The following ADAM23 variants were observed in gnomAD, a reference collection of about 807,000 sequenced individuals.
The protein encoded by ADAM23 is ADAM metallopeptidase domain 23.
In ADAM23, 33 loss-of-function variants were observed where a neutral mutation model predicts 120.1. The ratio of observed to expected loss-of-function variants is 0.27; its 90% CI spans 0.21 to 0.37. The LOEUF (loss-of-function observed/expected upper bound fraction) is 0.37. Among genes scored for constraint, ADAM23 ranks in the 10% least tolerant of loss-of-function variants. The pLI is 1.00. For missense variants in ADAM23, 862 were observed against 1,058.2 expected, an observed-to-expected ratio of 0.81 and a Z score of 2.57; for synonymous variants, 367 against 375.2, an observed-to-expected ratio of 0.98 and a Z score of 0.25.
intron 5 of ADAM23, 79 bp downstream of exon 5, chr2:206,542,213 T>C: frequency 7.1e-7 from 1 of 1,401,544 alleles, no homozygotes; most frequent in Non-Finnish European, 1.0e-6. Flanking sequence ...TTTTAGTGAC[T>C]CTTCCGTGCC....
chr2:206,509,573 C>T (rs540975826), intron 3 of ADAM23, among the ~76,000 whole-genome samples: 89 of 152,190 alleles, frequency 5.8e-4, no homozygotes, highest in Non-Finnish European at 1.0e-3. Context: ...CTCAGCCTCT[C>T]GAGTAGCTGC....
At chr2:206,614,895 C>G (rs1382622906) in intron 25 of ADAM23, among the ~76,000 whole-genome samples, 1 of 152,002 alleles carries the variant, frequency 6.6e-6, no homozygotes, top group Non-Finnish European at 1.5e-5. Context: ...TCCCTTAATG[C>G]CTGGGACTCC....
intron 2 of ADAM23, among the ~76,000 whole-genome samples, chr2:206,476,558 C>T (rs1463808418): frequency 6.6e-6 from 1 of 152,140 alleles, no homozygotes; most frequent in Admixed American, 6.5e-5. Flanking sequence ...AGGTTGCATA[C>T]TCCTTATGAG....
At chr2:206,523,335 A>G (rs1478416213) in intron 3 of ADAM23, among the ~76,000 whole-genome samples, 1 of 152,140 alleles carries the variant, frequency 6.6e-6, no homozygotes, top group African/African-American at 2.4e-5. Context: ...TAACCTATTC[A>G]TGCTAGGAAC....
chr2:206,450,590 G>T (rs186605880), intron 2 of ADAM23, among the ~76,000 whole-genome samples: 1 of 152,174 alleles, frequency 6.6e-6, no homozygotes, highest in African/African-American at 2.4e-5. Context: ...GATAATTTTG[G>T]TCTTGAGTTT....
intron 2 of ADAM23, among the ~76,000 whole-genome samples, chr2:206,460,208 T>G (rs188457312): frequency 2.8e-4 from 42 of 152,312 alleles, no homozygotes; most frequent in African/African-American, 7.5e-4. Context: ...TCTTTATGTT[T>G]GTGTATTTAA....
intron 4 of ADAM23, among the ~76,000 whole-genome samples, chr2:206,538,338 A>G (rs568693096): frequency 1.5e-4 from 23 of 152,194 alleles, no homozygotes; most frequent in African/African-American, 5.5e-4. Flanking sequence ...ATCTTTTTCT[A>G]TTTCTCATTT....
At chr2:206,522,609 T>G (rs978194277) in intron 3 of ADAM23, among the ~76,000 whole-genome samples, 11 of 152,180 alleles carry the variant, frequency 7.2e-5, no homozygotes, top group African/African-American at 2.7e-4. Context: ...TCTCTGCAAT[T>G]TCTCTATGTG....
At chr2:206,604,513 AACACTCTCGGGGG>A (rs1424346735) in intron 24 of ADAM23, among the ~76,000 whole-genome samples, 75 of 150,376 alleles carry the variant, frequency 5.0e-4, no homozygotes, top group Non-Finnish European at 8.2e-4. Context: ...CTTAGCCTTC[AACACTCTCGGGGG>A]ACTTTTCTGT....
intron 3 of ADAM23, among the ~76,000 whole-genome samples, chr2:206,528,643 C>G (rs1476579400): frequency 6.6e-6 from 1 of 152,176 alleles, no homozygotes; most frequent in Non-Finnish European, 1.5e-5. Context: ...ATGCAGCTCT[C>G]AAAATGATGC....
intron 2 of ADAM23, among the ~76,000 whole-genome samples, chr2:206,469,020 G>A (rs1574483350): frequency 1.3e-5 from 2 of 152,244 alleles, no homozygotes; most frequent in African/African-American, 2.4e-5. Flanking sequence ...ACAGCTCCAA[G>A]GGGGATGGTG....
chr2:206,551,463 A>G (rs988177932), intron 9 of ADAM23, among the ~76,000 whole-genome samples: 1 of 152,234 alleles, frequency 6.6e-6, no homozygotes, highest in Non-Finnish European at 1.5e-5. Context: ...GCACTTCTGA[A>G]AAGACTTTAT....
chr2:206,563,756 G>A (rs1697819038), intron 13 of ADAM23, among the ~76,000 whole-genome samples: 2 of 144,634 alleles, frequency 1.4e-5, no homozygotes, highest in African/African-American at 5.2e-5. Flanking sequence ...TTGAGAATGA[G>A]TCTCACTCTG....
intron 25 of ADAM23, among the ~76,000 whole-genome samples, chr2:206,616,731 G>A (rs548627588): frequency 1.3e-5 from 2 of 152,042 alleles, no homozygotes; most frequent in African/African-American, 4.8e-5. Flanking sequence ...TGGCAGTAGC[G>A]TTGCACCCGC....
chr2:206,461,475 G>T (rs370562146), intron 2 of ADAM23, among the ~76,000 whole-genome samples: 1 of 152,156 alleles, frequency 6.6e-6, no homozygotes, highest in Admixed American at 6.5e-5. Flanking sequence ...AGCCAGTTTT[G>T]GGTAAGACAC....
intron 3 of ADAM23, among the ~76,000 whole-genome samples, chr2:206,521,706 ATCTT>A: frequency 1.3e-5 from 2 of 152,338 alleles, no homozygotes; most frequent in East Asian, 3.9e-4. Context: ...TGTTGTGAAC[ATCTT>A]TCTAAGTGTG....
chr2:206,551,057 C>A (rs1426077190), intron 9 of ADAM23, among the ~76,000 whole-genome samples: 1 of 152,188 alleles, frequency 6.6e-6, no homozygotes, highest in East Asian at 1.9e-4. Flanking sequence ...AATAGAAACT[C>A]CGTTAACTAT....
At chr2:206,489,589 C>G (rs1201105263) in intron 3 of ADAM23, among the ~76,000 whole-genome samples, 1 of 152,202 alleles carries the variant, frequency 6.6e-6, no homozygotes, top group African/African-American at 2.4e-5. Flanking sequence ...GTGATAGACA[C>G]TGTGCCAAGC....
At chr2:206,541,967 T>C (rs914385070) in intron 4 of ADAM23, 85 bp from the exon 5 acceptor site, 7 of 1,359,030 alleles carry the variant, frequency 5.2e-6, no homozygotes, top group Non-Finnish European at 7.4e-6. Context: ...TGCCCATCCT[T>C]GCATTTCTTT....
Sources: gnomAD v4.1 joint callset for allele counts (sites outside exome capture counted in the v4.1 genomes callset) on GRCh38, gnomAD v4.1.1 for gene constraint, MANE v1.5 for transcripts, NCBI Gene and HGNC (gene_info 2026-07-23, HGNC 2026-07-21) for gene names.